The following KCTD16 variants were observed in gnomAD, a reference collection of about 807,000 sequenced individuals.
KCTD16 encodes the protein BTB/POZ domain-containing protein KCTD16.
A neutral mutation model predicts 33.2 loss-of-function variants in KCTD16; 13 were observed. That is an observed-to-expected ratio of 0.39 (90% CI 0.25 to 0.62). KCTD16 has a LOEUF of 0.62. Among genes scored for constraint, KCTD16 ranks in the 20% least tolerant of loss-of-function variants. KCTD16 has a pLI of 0.50. For missense variants in KCTD16, 441 were observed against 525.1 expected, an observed-to-expected ratio of 0.84 and a Z score of 1.57; for synonymous variants, 197 against 195.3, an observed-to-expected ratio of 1.01 and a Z score of -0.07.
intron 3 of KCTD16, among the ~76,000 whole-genome samples, chr5:144,234,248 GA>G (rs1257989802): frequency 3.3e-5 from 5 of 152,074 alleles, no homozygotes; most frequent in African/African-American, 1.2e-4. Flanking sequence ...TCCCTATTTG[GA>G]AGAGACACAG....
intron 3 of KCTD16, among the ~76,000 whole-genome samples, chr5:144,257,266 G>C (rs910407801): frequency 6.6e-6 from 1 of 152,166 alleles, no homozygotes; most frequent in Admixed American, 6.5e-5. Flanking sequence ...TAGTAGAACA[G>C]TCTCAATTTC....
At chr5:144,207,786 G>A (rs1273165916) in intron 3 of KCTD16, among the ~76,000 whole-genome samples, 1 of 152,124 alleles carries the variant, frequency 6.6e-6, no homozygotes, top group Non-Finnish European at 1.5e-5. Context: ...AAATGATATT[G>A]GTATATGCAA....
chr5:144,410,345 C>T (rs866453575), intron 3 of KCTD16, among the ~76,000 whole-genome samples: 1 of 152,158 alleles, frequency 6.6e-6, no homozygotes, highest in Non-Finnish European at 1.5e-5. Flanking sequence ...TATATTAAAT[C>T]TATTTCTGTA....
chr5:144,318,047 G>A (rs1224115549), intron 3 of KCTD16, among the ~76,000 whole-genome samples: 1 of 152,176 alleles, frequency 6.6e-6, no homozygotes. Context: ...TACTAGCCTG[G>A]AAGCATGAAT....
intron 3 of KCTD16, among the ~76,000 whole-genome samples, chr5:144,213,593 C>T (rs1478148314): frequency 6.6e-6 from 1 of 152,108 alleles, no homozygotes; most frequent in African/African-American, 2.4e-5. Flanking sequence ...GATCTAGACT[C>T]CAGATTTTAG....
intron 3 of KCTD16, among the ~76,000 whole-genome samples, chr5:144,353,866 T>C (rs894346683): frequency 3.3e-5 from 5 of 149,674 alleles, no homozygotes; most frequent in African/African-American, 1.3e-4. Flanking sequence ...TTATCAACTC[T>C]GGTGTTTTAT....
chr5:144,459,913 G>A (rs868517085), intron 3 of KCTD16, among the ~76,000 whole-genome samples: 1 of 132,042 alleles, frequency 7.6e-6, no homozygotes. Context: ...CTCACTGCAA[G>A]ATCCGCCTCC....
chr5:144,184,392 T>G (rs528116338), intron 2 of KCTD16, among the ~76,000 whole-genome samples: 1 of 152,306 alleles, frequency 6.6e-6, no homozygotes, highest in South Asian at 2.1e-4. Context: ...CTATGGCACA[T>G]TTTGTTTATC....
At chr5:144,200,456 C>T (rs928720552) in intron 2 of KCTD16, among the ~76,000 whole-genome samples, 5 of 152,180 alleles carry the variant, frequency 3.3e-5, no homozygotes, top group African/African-American at 9.6e-5. Context: ...CCAGGCTTTA[C>T]GTTAACAAGA....
intron 3 of KCTD16, among the ~76,000 whole-genome samples, chr5:144,382,646 C>G (rs7700906): frequency 0.057 from 8,675 of 152,202 alleles, 818 homozygotes; most frequent in African/African-American, 0.19. Flanking sequence ...CATACCTAGC[C>G]ACCAGCACCA....
intron 3 of KCTD16, among the ~76,000 whole-genome samples, chr5:144,390,738 C>CA (rs896689295): frequency 6.6e-6 from 1 of 151,994 alleles, no homozygotes; most frequent in African/African-American, 2.4e-5. Context: ...CATGTGTTCT[C>CA]ATTGTTCAAC....
chr5:144,205,146 C>T (rs1315670746), intron 2 of KCTD16: 1 of 181,464 alleles, frequency 5.5e-6, no homozygotes, highest in Non-Finnish European at 1.1e-5. Context: ...TTGGAAACTC[C>T]AGACTCCAGG....
chr5:144,440,089 G>A lies in KCTD16; in HGVS notation c.833-33571G>A, dbSNP rs181517597. ...ATGACCAGGTCAGAAAATAGAACTC[G>A]GTTAGACATTCTGGAAGCCCCTTCT... On this transcript the variant is annotated intron_variant, in intron 3 of 3. Transcript: ENST00000512467. Among the ~76,000 whole-genome samples the A allele has an allele frequency of 1.8e-4, 27 of 152,148 alleles. No individual in the cohort carries two copies. In the South Asian group the frequency reaches 3.1e-3, roughly 18 times the overall value.
chr5:144,417,391 T>C (rs1580946809), intron 3 of KCTD16, among the ~76,000 whole-genome samples: 1 of 152,152 alleles, frequency 6.6e-6, no homozygotes, highest in Admixed American at 6.6e-5. Context: ...CATCTTTTTA[T>C]GTGTTTGTTG....
intron 3 of KCTD16, among the ~76,000 whole-genome samples, chr5:144,232,743 G>C (rs1754140948): frequency 6.6e-6 from 1 of 152,042 alleles, no homozygotes; most frequent in Admixed American, 6.6e-5. Context: ...CATGAAAAAA[G>C]TAAAAGGAAA....
chr5:144,362,957 AT>A (rs1751749148), intron 3 of KCTD16, among the ~76,000 whole-genome samples: 1 of 152,102 alleles, frequency 6.6e-6, no homozygotes, highest in African/African-American at 2.4e-5. Context: ...TTTGGAAGTC[AT>A]TTCTCTTTCC....
intron 3 of KCTD16, among the ~76,000 whole-genome samples, chr5:144,353,510 A>G (rs1425152932): frequency 5.3e-5 from 8 of 152,172 alleles, no homozygotes; most frequent in African/African-American, 1.9e-4. Flanking sequence ...TGAGCTTAAT[A>G]TACTGAATTT....
intron 3 of KCTD16, among the ~76,000 whole-genome samples, chr5:144,472,143 A>G (rs1384567180): frequency 6.6e-6 from 1 of 152,252 alleles, no homozygotes; most frequent in African/African-American, 2.4e-5. Context: ...AGTGTAAATC[A>G]AAATGGGGTC....
chr5:144,417,676 C>G (rs1429067868), intron 3 of KCTD16, among the ~76,000 whole-genome samples: 1 of 152,050 alleles, frequency 6.6e-6, no homozygotes, highest in Non-Finnish European at 1.5e-5. Context: ...CATTACCAAA[C>G]CCAAGGTCAT....
Sources: allele counts gnomAD v4.1 joint callset (sites outside exome capture counted in the v4.1 genomes callset), GRCh38; gene constraint gnomAD v4.1.1; transcripts MANE v1.5; gene names NCBI Gene and HGNC (gene_info 2026-07-23, HGNC 2026-07-21).